HLCS: variants seen among roughly 807,000 people sequenced by gnomAD.
HLCS encodes biotin--protein ligase.
In HLCS, 53 loss-of-function variants were observed where a neutral mutation model predicts 75.0. The ratio of observed to expected loss-of-function variants is 0.71; its 90% CI spans 0.57 to 0.89. The LOEUF is 0.89. Ranked by LOEUF, HLCS falls within the 40% of genes least tolerant of loss-of-function variation. The pLI, the probability that HLCS is intolerant of heterozygous loss-of-function variation, is 0.00. For missense variants in HLCS, 966 were observed against 1,074.0 expected, an observed-to-expected ratio of 0.90 and a Z score of 1.41; for synonymous variants, 431 against 428.6, an observed-to-expected ratio of 1.01 and a Z score of -0.07.
intron 1 of HLCS, among the ~76,000 whole-genome samples, chr21:36,988,046 T>C (rs1221323202): frequency 6.6e-6 from 1 of 152,210 alleles, no homozygotes; most frequent in African/African-American, 2.4e-5. Context: ...TTAGGTTTCC[T>C]TTCCCCCATC....
At chr21:36,830,584 A>G (rs1404496187) in intron 6 of HLCS, among the ~76,000 whole-genome samples, 1 of 152,128 alleles carries the variant, frequency 6.6e-6, no homozygotes, top group African/African-American at 2.4e-5. Flanking sequence ...CTGTAATCCC[A>G]GCATTTTGGG....
At chr21:36,863,663 C>T (rs911945343) in intron 6 of HLCS, among the ~76,000 whole-genome samples, 21 of 152,212 alleles carry the variant, frequency 1.4e-4, no homozygotes, top group African/African-American at 5.1e-4. Flanking sequence ...CTCTGGATAT[C>T]ATACAGATAG....
chr21:36,929,136 C>T (rs16994591), intron 5 of HLCS, among the ~76,000 whole-genome samples: 8,063 of 152,300 alleles, frequency 0.053, 684 homozygotes, highest in African/African-American at 0.18. Context: ...CAGGGCCACT[C>T]TTCCTATCCA....
chr21:36,752,210 G>T lies in HLCS; in HGVS notation c.*2036C>A, dbSNP rs566148937. ...TGAGTCTCCTGCGTGAGGGAGGAGC[G>T]CCTGCTGGAAAGCACAGAGCACAGC... On this transcript the variant is annotated 3_prime_UTR_variant, in exon 11 of 11. Coordinates refer to ENST00000674895, the MANE Select transcript of HLCS (RefSeq NM_001352514.2). 1 of 152,620 alleles carries T rather than the reference G, an allele frequency of 6.6e-6. No individual in the cohort carries two copies. Among genetic ancestry groups the T allele is most frequent in the African/African-American group, 2.4e-5 (1 of 41,442 alleles). 9.5% of individuals were successfully genotyped at this position (152,620 alleles called of 1,614,324 possible). A position where few individuals can be genotyped will look rare whatever the true frequency, so the allele number is the denominator to read the frequency against.
Position 36,782,879 on chromosome 21 carries a change from G to A in HLCS, c.1893-15594C>T, listed in dbSNP as rs186442085. ...GGCACCTGTAGTCCTAGATACTCACGAGGCTGAGGCACAAGAATCACTTGA... is the reference window on the plus strand; with the variant it reads ...GGCACCTGTAGTCCTAGATACTCACAAGGCTGAGGCACAAGAATCACTTGA... On this transcript the variant is annotated intron_variant, in intron 6 of 10. Coordinates refer to ENST00000674895, the MANE Select transcript of HLCS (RefSeq NM_001352514.2). Among the ~76,000 whole-genome samples the A allele has an allele frequency of 3.4e-3, 513 of 152,014 alleles. 3 individuals are homozygous for A. Among genetic ancestry groups the A allele is most frequent in the African/African-American group, 0.011 (460 of 41,442 alleles).
chr21:36,789,169 C>T (rs987993150), intron 6 of HLCS, among the ~76,000 whole-genome samples: 2 of 152,184 alleles, frequency 1.3e-5, no homozygotes, highest in Non-Finnish European at 2.9e-5. Flanking sequence ...ATCCTCCCAC[C>T]TCAGCCTCCC....
intron 6 of HLCS, among the ~76,000 whole-genome samples, chr21:36,785,061 C>T (rs1021017498): frequency 4.6e-5 from 7 of 152,106 alleles, no homozygotes; most frequent in Non-Finnish European, 8.8e-5. Flanking sequence ...GGTACCGTCG[C>T]CTTCGGGGTA....
At chr21:36,794,521 ACT>A (rs2060968826) in intron 6 of HLCS, among the ~76,000 whole-genome samples, 1 of 151,724 alleles carries the variant, frequency 6.6e-6, no homozygotes, top group Non-Finnish European at 1.5e-5. Context: ...GCTGAAGCAC[ACT>A]CTGTGCGTAT....
intron 6 of HLCS, among the ~76,000 whole-genome samples, chr21:36,803,511 G>A (rs780986060): frequency 3.3e-5 from 5 of 152,212 alleles, no homozygotes; most frequent in Admixed American, 6.5e-5. Flanking sequence ...CCCACGAGGC[G>A]CACAGCGAGG....
intron 2 of HLCS, among the ~76,000 whole-genome samples, chr21:36,940,586 C>A (rs1383017991): frequency 6.6e-6 from 1 of 152,128 alleles, no homozygotes; most frequent in African/African-American, 2.4e-5. Context: ...CCTTAAAAGT[C>A]TGGAAGAACA....
intron 4 of HLCS, 88 bp from the exon 5 acceptor site, chr21:36,930,521 T>A (rs1022182447): frequency 8.9e-5 from 100 of 1,126,418 alleles, no homozygotes; most frequent in African/African-American, 4.6e-4. Context: ...TTTTTTTTTT[T>A]AAATTTAGAG....
chr21:36,927,172 G>A (rs1034121763), intron 5 of HLCS, among the ~76,000 whole-genome samples: 29 of 152,208 alleles, frequency 1.9e-4, no homozygotes, highest in Non-Finnish European at 1.5e-4. Flanking sequence ...TCAATTAAAC[G>A]TGAAAGCCTT....
At chr21:36,823,610 G>GGGGTGT (rs372824950) in intron 6 of HLCS, among the ~76,000 whole-genome samples, 2,764 of 132,826 alleles carry the variant, frequency 0.021, 83 homozygotes, top group African/African-American at 0.07. Flanking sequence ...AAACGTGCAG[G>GGGGTGT]GTGTGTGTGT....
chr21:36,896,228 T>A (rs1435960289), intron 6 of HLCS, among the ~76,000 whole-genome samples: 1 of 152,206 alleles, frequency 6.6e-6, no homozygotes, highest in Non-Finnish European at 1.5e-5. Flanking sequence ...CGTGTGCCTA[T>A]AGTCCCAGCT....
intron 6 of HLCS, among the ~76,000 whole-genome samples, chr21:36,787,479 C>T (rs1175275033): frequency 6.6e-6 from 1 of 152,172 alleles, no homozygotes; most frequent in Non-Finnish European, 1.5e-5. Flanking sequence ...CCTAACCCTT[C>T]ACTGCCCAGG....
rs201022479 is a variant in HLCS, at chr21:36,908,090, A to AG, written c.1621-10960_1621-10959insC. Among the ~76,000 whole-genome samples, 212 of 152,102 alleles carry AG rather than the reference A, an allele frequency of 1.4e-3. 1 individual carries two copies. The East Asian group carries it at 0.037, about 27-fold the overall frequency. ...TCTCCAAAAAAAAAGAAAAAGAAAA[A>AG]AAAAAACATTCTGGCCGGCCACAGT... On this transcript the variant is annotated intron_variant, in intron 5 of 10. Coordinates refer to ENST00000674895, the MANE Select transcript of HLCS (RefSeq NM_001352514.2).
chr21:36,852,827 A>G (rs1033135400), intron 6 of HLCS, among the ~76,000 whole-genome samples: 1 of 152,136 alleles, frequency 6.6e-6, no homozygotes, highest in Non-Finnish European at 1.5e-5. Context: ...GACCCCGCTG[A>G]GGACATCACT....
In HLCS at chr21:36,767,331, C is replaced by A. The variant is rs2073421; in HGVS notation, c.1893-46G>T. The A allele has an allele frequency of 0.54, 852,628 of 1,580,300 alleles. 233,087 individuals are homozygous for A. The highest frequency in any genetic ancestry group is 0.7 in the African/African-American group (52,097 of 74,320). Reference sequence around the variant, plus strand: ...CCGGTTAGGCCAGACATGGACACGCCCGCGGCACCAATGGCTCACACAGGA... The same window carrying A: ...CCGGTTAGGCCAGACATGGACACGCACGCGGCACCAATGGCTCACACAGGA... On this transcript the variant is annotated intron_variant, in intron 6 of 10. Transcript: ENST00000674895.
chr21:36,828,207 A>G (rs367698423), intron 6 of HLCS, among the ~76,000 whole-genome samples: 4 of 152,306 alleles, frequency 2.6e-5, no homozygotes, highest in East Asian at 3.9e-4. Flanking sequence ...GGTCTGATTC[A>G]GCGGGTTCAG....
Sources: gnomAD v4.1 joint callset for allele counts (sites outside exome capture counted in the v4.1 genomes callset) on GRCh38, gnomAD v4.1.1 for gene constraint, MANE v1.5 for transcripts, NCBI Gene and HGNC (gene_info 2026-07-23, HGNC 2026-07-21) for gene names.